KHDRBS2: variants seen among roughly 807,000 people sequenced by gnomAD.
KHDRBS2 encodes KH RNA binding domain containing, signal transduction associated 2.
Under a neutral mutation model 44.3 loss-of-function variants are expected in KHDRBS2, and 26 were observed. That is an observed-to-expected ratio of 0.59 (90% CI 0.43 to 0.81). The LOEUF is 0.81. Ranked by LOEUF, KHDRBS2 falls within the 40% of genes least tolerant of loss-of-function variation. KHDRBS2 has a pLI of 0.00. For missense variants in KHDRBS2, 476 were observed against 433.1 expected (o/e 1.10, Z -0.88); for synonymous variants, 194 against 151.1 (o/e 1.28, Z -2.08).
At chr6:61,738,346 T>C (rs991851616) in intron 6 of KHDRBS2, among the ~76,000 whole-genome samples, 4 of 152,074 alleles carry the variant, frequency 2.6e-5, no homozygotes, top group African/African-American at 9.6e-5. Context: ...ATATGATTCA[T>C]TCCTCCCTGG....
chr6:62,131,895 A>G (rs1307444901), intron 2 of KHDRBS2, among the ~76,000 whole-genome samples: 2 of 152,164 alleles, frequency 1.3e-5, no homozygotes, highest in Admixed American at 6.5e-5. Flanking sequence ...TGTGTTCTGA[A>G]TGAGTATGTG....
Position 61,945,110 on chromosome 6 carries a change from AAAGTAT to A in KHDRBS2, c.483+32950_483+32955del, listed in dbSNP as rs1813003419. Among the ~76,000 whole-genome samples, 14 of 46,272 alleles carry A rather than the reference AAAGTAT, an allele frequency of 3.0e-4. 2 individuals are homozygous for A. The South Asian group carries it at 5.8e-3, about 19-fold the overall frequency. The allele number at this position is 46,272 out of a possible 152,430, so 30.4% of individuals were successfully genotyped here. A position where few individuals can be genotyped will look rare whatever the true frequency, so the allele number is the denominator to read the frequency against. Reference sequence around the variant, plus strand: ...TGTCTTAAAAAAAAAAAAAAAAAAAAAAGTATATATATATATATATATATATATATA... The same window carrying A: ...TGTCTTAAAAAAAAAAAAAAAAAAAAATATATATATATATATATATATATA... On this transcript the variant is annotated intron_variant, in intron 4 of 8. Coordinates refer to ENST00000281156, the MANE Select transcript of KHDRBS2 (RefSeq NM_152688.4).
intron 5 of KHDRBS2, among the ~76,000 whole-genome samples, chr6:61,899,689 G>A (rs1176909240): frequency 4.0e-5 from 6 of 149,260 alleles, no homozygotes; most frequent in Non-Finnish European, 6.0e-5. Context: ...CTATTACTAT[G>A]ATGATTTCAT....
chr6:62,212,622 G>C (rs1174543292), intron 1 of KHDRBS2, among the ~76,000 whole-genome samples: 1 of 152,150 alleles, frequency 6.6e-6, no homozygotes, highest in Non-Finnish European at 1.5e-5. Flanking sequence ...GACAAGCAAA[G>C]AGAGAATGCC....
intron 7 of KHDRBS2, among the ~76,000 whole-genome samples, chr6:61,704,528 G>A (rs551335629): frequency 2.0e-5 from 3 of 151,888 alleles, no homozygotes; most frequent in South Asian, 4.1e-4. Flanking sequence ...ATCAGTATTA[G>A]GGAGAGAGGG....
intron 2 of KHDRBS2, among the ~76,000 whole-genome samples, chr6:62,173,535 T>C (rs1271654500): frequency 1.3e-5 from 2 of 151,894 alleles, no homozygotes; most frequent in Non-Finnish European, 2.9e-5. Context: ...CCATTCCTAC[T>C]GAAACTATTC....
intron 6 of KHDRBS2, among the ~76,000 whole-genome samples, chr6:61,848,512 T>C (rs1251919395): frequency 1.2e-4 from 6 of 50,916 alleles, no homozygotes; most frequent in Admixed American, 1.9e-4. Flanking sequence ...TATATATATG[T>C]ATATATGTAT....
intron 2 of KHDRBS2, among the ~76,000 whole-genome samples, chr6:62,070,162 C>T (rs970137632): frequency 6.6e-6 from 1 of 151,614 alleles, no homozygotes. Context: ...TCCCTCTTTG[C>T]AATAGTGCAC....
Position 62,161,746 on chromosome 6 carries a change from G to A in KHDRBS2, c.219+15439C>T, listed in dbSNP as rs529821945. ...CTTTTATGTTTAGTTCATTTTTTTT[G>A]TAGTGAAGTATTTAAATTCCTTTCA... On this transcript the variant is annotated intron_variant, in intron 2 of 8. Transcript: ENST00000281156. 6.0e-5 allele frequency among the ~76,000 whole-genome samples: 9 copies of A among 151,050 alleles called. No homozygotes were observed. The South Asian group carries it at 1.9e-3, about 32-fold the overall frequency.
At chr6:61,699,768 A>C (rs370307562) in intron 7 of KHDRBS2, among the ~76,000 whole-genome samples, 5 of 152,094 alleles carry the variant, frequency 3.3e-5, no homozygotes, top group African/African-American at 1.2e-4. Context: ...TCTTCCTTGG[A>C]GGCAATTTAT....
intron 2 of KHDRBS2, among the ~76,000 whole-genome samples, chr6:62,130,518 T>C (rs1171687050): frequency 1.3e-5 from 2 of 152,136 alleles, no homozygotes; most frequent in East Asian, 3.8e-4. Context: ...ATAACAATTG[T>C]TAATGAGCAA....
At chr6:61,917,170 A>C (rs111891354) in intron 4 of KHDRBS2, among the ~76,000 whole-genome samples, 1,569 of 151,888 alleles carry the variant, frequency 0.01, 28 homozygotes, top group African/African-American at 0.036. Flanking sequence ...CTGATTCATA[A>C]TTGCCAAAAC....
chr6:62,198,155 C>T (rs1344459567), intron 1 of KHDRBS2, among the ~76,000 whole-genome samples: 2 of 152,020 alleles, frequency 1.3e-5, no homozygotes, highest in African/African-American at 2.4e-5. Context: ...AAAATTGACA[C>T]CCTAACATCA....
At chr6:62,000,542 G>T (rs567679164) in intron 3 of KHDRBS2, among the ~76,000 whole-genome samples, 5 of 152,158 alleles carry the variant, frequency 3.3e-5, no homozygotes, top group Non-Finnish European at 7.4e-5. Context: ...ATCAAATTAA[G>T]CACCTTAAAG....
the KHDRBS2 span, among the ~76,000 whole-genome samples, chr6:61,583,183 T>G: frequency 5.3e-5 from 8 of 151,988 alleles, no homozygotes; most frequent in African/African-American, 1.9e-4. Context: ...CTGATTTGTA[T>G]CACCACTGGT....
chr6:61,998,161 A>G (rs1777572883), intron 3 of KHDRBS2, among the ~76,000 whole-genome samples: 1 of 152,164 alleles, frequency 6.6e-6, no homozygotes, highest in Non-Finnish European at 1.5e-5. Flanking sequence ...TGAATGAGGG[A>G]GACTTACTGA....
At position 62,060,109 on chromosome 6, in the gene KHDRBS2, C is replaced by T. The variant is rs1791391088; in HGVS notation, c.220-12115G>A. 2.6e-5 allele frequency among the ~76,000 whole-genome samples: 4 copies of T among 151,592 alleles called. No individual in the cohort carries two copies. The South Asian group carries it at 8.3e-4, about 31-fold the overall frequency. ...AGGGTGCTGATGGGGACTTTCCTGGCAGAAGGAGTAACATGTGAGAAAACC... is the reference window on the plus strand; with the variant it reads ...AGGGTGCTGATGGGGACTTTCCTGGTAGAAGGAGTAACATGTGAGAAAACC... On this transcript the variant is annotated intron_variant, in intron 2 of 8. Coordinates refer to ENST00000281156, the MANE Select transcript of KHDRBS2 (RefSeq NM_152688.4).
chr6:62,259,545 C>T (rs1837982792), intron 1 of KHDRBS2, among the ~76,000 whole-genome samples: 1 of 151,636 alleles, frequency 6.6e-6, no homozygotes, highest in Non-Finnish European at 1.5e-5. Context: ...ATAGTAGTTT[C>T]TCAATGTTTT....
chr6:61,664,434 G>GA, the KHDRBS2 span, among the ~76,000 whole-genome samples: 1 of 151,450 alleles, frequency 6.6e-6, no homozygotes, highest in African/African-American at 2.4e-5. Context: ...TCTGACATAG[G>GA]AAAAAAACAA....
Sources: gnomAD v4.1 joint callset for allele counts (sites outside exome capture counted in the v4.1 genomes callset) on GRCh38, gnomAD v4.1.1 for gene constraint, MANE v1.5 for transcripts, NCBI Gene and HGNC (gene_info 2026-07-23, HGNC 2026-07-21) for gene names.